Variants in SLCO3A1 observed in about 807,000 individuals in gnomAD.
The protein encoded by SLCO3A1 is solute carrier organic anion transporter family member 3A1, also known as PGE1 transporter.
In SLCO3A1, 27 loss-of-function variants were observed where a neutral mutation model predicts 63.1. The observed-to-expected ratio is 0.43, with a 90% CI of 0.32 to 0.59. The LOEUF (loss-of-function observed/expected upper bound fraction) is 0.59. Among genes scored for constraint, SLCO3A1 ranks in the 20% least tolerant of loss-of-function variants. The pLI is 0.09. For synonymous variants in SLCO3A1, 473 were observed against 409.9 expected (o/e 1.15, Z -1.86); for missense variants, 773 against 945.8 (o/e 0.82, Z 2.40).
intron 7 of SLCO3A1, among the ~76,000 whole-genome samples, chr15:92,145,957 A>G (rs2048216040): frequency 7.9e-6 from 1 of 126,104 alleles, no homozygotes; most frequent in Non-Finnish European, 1.7e-5. Context: ...TGGGATCAGA[A>G]AACCCTATCT....
intron 2 of SLCO3A1, among the ~76,000 whole-genome samples, chr15:91,924,851 C>T (rs111303796): frequency 2.0e-4 from 31 of 152,192 alleles, no homozygotes; most frequent in African/African-American, 7.5e-4. Context: ...ATGCAGAAAC[C>T]AAAACCATTT....
At position 92,164,568 on chromosome 15, in the gene SLCO3A1, AAAG is replaced by A. The variant is rs1302646907; in HGVS notation, c.*1439_*1441del. On this transcript the variant is annotated 3_prime_UTR_variant, in exon 10 of 10. Transcript: ENST00000318445. ...TGGGTGCAACACTTCCGGGGATAGG[AAAG>A]AAGAACAGTTCCCTAACACAAGCTG... 9.1e-6 allele frequency: 9 copies of A among 984,208 alleles called. No individual in the cohort carries two copies. Among genetic ancestry groups the A allele is most frequent in the Admixed American group, 6.2e-5 (1 of 16,032 alleles). 61.0% of individuals were successfully genotyped at this position (984,208 alleles called of 1,614,324 possible). A position where few individuals can be genotyped will look rare whatever the true frequency, so the allele number is the denominator to read the frequency against.
intron 2 of SLCO3A1, among the ~76,000 whole-genome samples, chr15:92,063,623 G>T (rs1228166338): frequency 6.6e-6 from 1 of 152,196 alleles, no homozygotes; most frequent in Non-Finnish European, 1.5e-5. Context: ...ACTTTGGGAG[G>T]CTGACGTGGA....
At chr15:92,008,516 T>C (rs1048394099) in intron 2 of SLCO3A1, among the ~76,000 whole-genome samples, 3 of 152,214 alleles carry the variant, frequency 2.0e-5, no homozygotes, top group Admixed American at 1.3e-4. Flanking sequence ...GTTAAGATGT[T>C]TTCGTTTTAA....
Position 91,860,595 on chromosome 15 carries a change from T to C in SLCO3A1, c.180+6507T>C, listed in dbSNP as rs1224145535. ...TTCCTAAACTGGTGATCTGGGCTCC[T>C]GAAGCTTGCTCTGCTTCACTGGCTG... On this transcript the variant is annotated intron_variant, in intron 1 of 9. Transcript: ENST00000318445. The surrounding 1 kb of genome is among the most constrained non-coding windows in gnomAD (Gnocchi z 5.5). 6.6e-6 allele frequency among the ~76,000 whole-genome samples: 1 copy of C among 152,250 alleles called. No individual in the cohort carries two copies. The highest frequency in any genetic ancestry group is 1.5e-5 in the Non-Finnish European group (1 of 68,040).
chr15:92,120,202 GAA>G (rs920343517), intron 4 of SLCO3A1, among the ~76,000 whole-genome samples: 1 of 152,090 alleles, frequency 6.6e-6, no homozygotes, highest in African/African-American at 2.4e-5. Context: ...TGAACTGTAA[GAA>G]AAGTCCTGGT....
intron 2 of SLCO3A1, among the ~76,000 whole-genome samples, chr15:92,053,212 G>A (rs999127671): frequency 2.0e-5 from 3 of 152,146 alleles, no homozygotes; most frequent in African/African-American, 7.2e-5. Flanking sequence ...ACAGTTTGAT[G>A]GGGAGATAGA....
In SLCO3A1 at chr15:91,883,772, G is replaced by A. The variant is rs960123321; in HGVS notation, c.180+29684G>A. On this transcript the variant is annotated intron_variant, in intron 1 of 9. Coordinates refer to ENST00000318445, the MANE Select transcript of SLCO3A1 (RefSeq NM_013272.4). The surrounding 1 kb of genome is among the most constrained non-coding windows in gnomAD (Gnocchi z 4.8). Reference sequence around the variant, plus strand: ...GTGTGTTTGTAATATCCTACTTACCGATAGTAGTGTAGCATCCTGATAGTA... The same window carrying A: ...GTGTGTTTGTAATATCCTACTTACCAATAGTAGTGTAGCATCCTGATAGTA... Among the ~76,000 whole-genome samples the A allele has an allele frequency of 6.6e-5, 10 of 152,160 alleles. No homozygotes were observed. The highest frequency in any genetic ancestry group is 9.7e-5 in the African/African-American group (4 of 41,440).
chr15:92,086,708 G>T lies in SLCO3A1; in HGVS notation c.647-8173G>T, dbSNP rs533107032. Among the ~76,000 whole-genome samples the T allele has an allele frequency of 2.0e-5, 3 of 152,252 alleles. No individual in the cohort carries two copies. The South Asian group carries it at 6.2e-4, about 32-fold the overall frequency. ...AGAAATCTTTCAGCCGGGCGCAGTGGCTCATGCCTGTAATCCTAGCACTTT... is the reference window on the plus strand; with the variant it reads ...AGAAATCTTTCAGCCGGGCGCAGTGTCTCATGCCTGTAATCCTAGCACTTT... On this transcript the variant is annotated intron_variant, in intron 2 of 9. Transcript: ENST00000318445.
chr15:92,057,840 G>A (rs953241462), intron 2 of SLCO3A1, among the ~76,000 whole-genome samples: 2 of 152,164 alleles, frequency 1.3e-5, no homozygotes, highest in Non-Finnish European at 2.9e-5. Context: ...GACACCAGGG[G>A]ACTAACAGAA....
intron 2 of SLCO3A1, among the ~76,000 whole-genome samples, chr15:92,019,398 A>G (rs2046479123): frequency 6.6e-6 from 1 of 152,214 alleles, no homozygotes; most frequent in Non-Finnish European, 1.5e-5. Context: ...TAGCTCTTCC[A>G]TGCTAAGTGT....
At chr15:92,003,367 G>A (rs965249375) in intron 2 of SLCO3A1, among the ~76,000 whole-genome samples, 140 of 152,266 alleles carry the variant, frequency 9.2e-4, no homozygotes, top group Non-Finnish European at 1.7e-3. Context: ...AAATGTCTCG[G>A]CTTCAGAGAA....
chr15:92,116,839 T>C (rs539369364), intron 4 of SLCO3A1, among the ~76,000 whole-genome samples: 1 of 151,986 alleles, frequency 6.6e-6, no homozygotes, highest in African/African-American at 2.4e-5. Flanking sequence ...TGGAAGGAAA[T>C]AGCGAACCCA....
chr15:92,041,001 G>A (rs2046790245), intron 2 of SLCO3A1, among the ~76,000 whole-genome samples: 1 of 152,076 alleles, frequency 6.6e-6, no homozygotes, highest in African/African-American at 2.4e-5. Context: ...TGTGTGGCCT[G>A]GACCCATCTG....
chr15:91,879,524 C>T (rs1462882565), intron 1 of SLCO3A1, among the ~76,000 whole-genome samples: 1 of 132,698 alleles, frequency 7.5e-6, no homozygotes, highest in African/African-American at 2.5e-5. Flanking sequence ...ACTATGATGC[C>T]TATACATGTA....
rs1484234301 is a variant in SLCO3A1, at chr15:91,856,498, G to A, written c.180+2410G>A. Among the ~76,000 whole-genome samples, 1 of 152,104 alleles carries A rather than the reference G, an allele frequency of 6.6e-6. No individual in the cohort carries two copies. The highest frequency in any genetic ancestry group is 2.4e-5 in the African/African-American group (1 of 41,416). ...TCTTCATCTGTTATTTGGGAGATGG[G>A]GAAAAAAAGTTTGCTCCTTCAGCCA... On this transcript the variant is annotated intron_variant, in intron 1 of 9. Transcript: ENST00000318445. The surrounding 1 kb of genome is among the most constrained non-coding windows in gnomAD (Gnocchi z 4.9).
At chr15:92,025,003 A>T (rs2046554077) in intron 2 of SLCO3A1, among the ~76,000 whole-genome samples, 1 of 149,804 alleles carries the variant, frequency 6.7e-6, no homozygotes, top group African/African-American at 2.4e-5. Flanking sequence ...CCAGCCTTCC[A>T]TCCATCTGTT....
At chr15:92,096,326 AT>A (rs1940030205) in intron 3 of SLCO3A1, among the ~76,000 whole-genome samples, 1 of 152,104 alleles carries the variant, frequency 6.6e-6, no homozygotes, top group Non-Finnish European at 1.5e-5. Context: ...GTGACATCTC[AT>A]TACTTCTGCT....
chr15:91,999,960 A>G (rs997653560), intron 2 of SLCO3A1, among the ~76,000 whole-genome samples: 11 of 152,204 alleles, frequency 7.2e-5, no homozygotes, highest in Non-Finnish European at 1.5e-4. Flanking sequence ...ACCAGTCTAA[A>G]TGTCCATCAG....
Sources: allele counts gnomAD v4.1 joint callset (sites outside exome capture counted in the v4.1 genomes callset), GRCh38; gene constraint gnomAD v4.1.1; non-coding constraint Gnocchi (gnomAD v3.1); transcripts MANE v1.5; gene names NCBI Gene and HGNC (gene_info 2026-07-23, HGNC 2026-07-21).